COL6A3: variants seen among roughly 807,000 people sequenced by gnomAD.
COL6A3 encodes collagen type VI alpha 3 chain, also known as collagen alpha-3(VI) chain.
COL6A3 carries 137 observed loss-of-function variants against 274.1 expected under a neutral mutation model. The ratio of observed to expected loss-of-function variants is 0.50; its 90% CI spans 0.44 to 0.58. The LOEUF is 0.58. Among genes scored for constraint, COL6A3 ranks in the 20% least tolerant of loss-of-function variants. COL6A3 has a pLI of 0.00. For synonymous variants in COL6A3, 1,650 were observed against 1,650.6 expected (o/e 1.00, Z 0.01); for missense variants, 3,950 against 4,124.9 (o/e 0.96, Z 1.16).
chr2:237,374,913 C>T lies in COL6A3; in HGVS notation c.3178G>A (p.Val1060Met), dbSNP rs1277217858. The T allele has an allele frequency of 1.2e-6, 2 of 1,613,956 alleles. No homozygotes were observed. The highest frequency in any genetic ancestry group is 1.7e-6 in the Non-Finnish European group (2 of 1,180,012). ...GCCACGCGGACCCGGTCCTGGCCCA[C>T]ATCCAGGCTTTCCACCACTCTCTGG... Reference protein sequence around the residue: ...FVQRVVESLDVGQDRVRVAVV... With the variant: ...FVQRVVESLDMGQDRVRVAVV... The change falls in exon 8 of 44, where the codon GTG becomes ATG. Residue 1060 changes from valine (V) to methionine (M), a missense_variant. Val to Met is a conservative substitution (Grantham distance 21). Around this residue, in one of 5 missense-constraint regions of COL6A3, gnomAD observed 1,934 missense variants for 1,984.3 expected, o/e 0.97. Coordinates refer to ENST00000295550, the MANE Select transcript of COL6A3 (RefSeq NM_004369.4). The surrounding 1 kb of genome is among the most constrained non-coding windows in gnomAD (Gnocchi z 4.8).
At chr2:237,378,577 A>G in intron 6 of COL6A3, 59 bp downstream of exon 6, 1 of 1,611,392 alleles carries the variant, frequency 6.2e-7, no homozygotes, top group South Asian at 1.1e-5. Context: ...CTGGCAAACT[A>G]CCCTCCAGGG....
rs188002584 is a variant in COL6A3 at position 237,324,723 on chromosome 2, G to A, written c.*51C>T. On this transcript the variant is annotated 3_prime_UTR_variant, in exon 44 of 44. Transcript: ENST00000295550. ...GGAGCTTCTACAGAGACAAGTTGGCGATGGCTGACTCCTTCTTCTTCAAGA... is the reference window on the plus strand; with the variant it reads ...GGAGCTTCTACAGAGACAAGTTGGCAATGGCTGACTCCTTCTTCTTCAAGA... 2.8e-4 allele frequency: 436 copies of A among 1,584,358 alleles called. No homozygotes were observed. In the African/African-American group the frequency reaches 5.2e-3, roughly 19 times the overall value.
chr2:237,359,218 C>T lies in COL6A3; in HGVS notation c.6342G>A (p.Leu2114=), dbSNP rs886043269. ...GEVGEIGLDG[L]DGEDGDKGLP... ...TAAAATCACTTACATCTTCACCATCCAGACCATCCAGTCCAATTTCTCCTA... is the reference window on the plus strand; with the variant it reads ...TAAAATCACTTACATCTTCACCATCTAGACCATCCAGTCCAATTTCTCCTA... The change falls in exon 19 of 44, where the codon CTG becomes CTA. Residue 2114 remains leucine, a synonymous_variant. Coordinates refer to ENST00000295550, the MANE Select transcript of COL6A3 (RefSeq NM_004369.4). 8 of 1,614,110 alleles carry T rather than the reference C, an allele frequency of 5.0e-6. No homozygotes were observed. The Admixed American group carries it at 8.3e-5, about 17-fold the overall frequency.
intron 32 of COL6A3, 37 bp downstream of exon 32, chr2:237,346,466 C>A (rs754379137): frequency 1.3e-6 from 2 of 1,596,632 alleles, no homozygotes; most frequent in Non-Finnish European, 1.7e-6. Flanking sequence ...AAGCACCCAG[C>A]CCCAGGTGGC....
chr2:237,329,918 A>G (rs894474639), intron 42 of COL6A3: 2 of 152,220 alleles, frequency 1.3e-5, no homozygotes, highest in Non-Finnish European at 2.9e-5. Context: ...AGGGCTATAC[A>G]ATTGGCCCAG....
chr2:237,402,369 T>C (rs753141222), intron 1 of COL6A3, among the ~76,000 whole-genome samples: 7 of 152,156 alleles, frequency 4.6e-5, no homozygotes, highest in Non-Finnish European at 7.4e-5. Context: ...AGATAGTATG[T>C]TTTATGTTAT....
At chr2:237,325,862 A>AC in intron 42 of COL6A3, 138 bp from the exon 43 acceptor site, 1 of 672,430 alleles carries the variant, frequency 1.5e-6, no homozygotes, top group Non-Finnish European at 2.5e-6. Context: ...AACTCCCTTA[A>AC]CCTGCTCAAA....
chr2:237,380,210 G>T (rs187505475), intron 5 of COL6A3, among the ~76,000 whole-genome samples: 13 of 152,302 alleles, frequency 8.5e-5, no homozygotes, highest in Non-Finnish European at 1.6e-4. Flanking sequence ...CCTGCATCAG[G>T]CAATCCTCTA....
chr2:237,387,359 C>T (rs1383464214), intron 4 of COL6A3, among the ~76,000 whole-genome samples: 1 of 152,222 alleles, frequency 6.6e-6, no homozygotes, highest in African/African-American at 2.4e-5. Flanking sequence ...CTCAGCAACT[C>T]ATACTCTCGT....
chr2:237,389,576 A>C (rs1186699332), intron 3 of COL6A3, among the ~76,000 whole-genome samples: 2 of 152,198 alleles, frequency 1.3e-5, no homozygotes, highest in African/African-American at 4.8e-5. Flanking sequence ...AAGGATCCAA[A>C]GCTTGTCTCA....
rs900885344 is a variant in COL6A3, at chr2:237,348,683, G to T, written c.6880-20C>A. ...ATCTCCCTAAGAGTGGGAAAGAGAT[G>T]TGACTGTAGGTCGCCATGCCTGGCA... On this transcript the variant is annotated intron_variant, in intron 28 of 43. Coordinates refer to ENST00000295550, the MANE Select transcript of COL6A3 (RefSeq NM_004369.4). 8 of 1,613,388 alleles carry T rather than the reference G, an allele frequency of 5.0e-6. No homozygotes were observed. The highest frequency in any genetic ancestry group is 6.8e-6 in the Non-Finnish European group (8 of 1,179,562).
intron 7 of COL6A3, among the ~76,000 whole-genome samples, chr2:237,376,528 T>C (rs1419935174): frequency 1.3e-5 from 2 of 152,232 alleles, no homozygotes; most frequent in African/African-American, 2.4e-5. Context: ...TGTCTTACTA[T>C]GAAATAATCT....
intron 23 of COL6A3, among the ~76,000 whole-genome samples, chr2:237,356,297 A>G (rs1017227529): frequency 6.6e-6 from 1 of 152,120 alleles, no homozygotes; most frequent in East Asian, 1.9e-4. Context: ...CTTTTTCATT[A>G]TATAGCATTA....
chr2:237,380,052 C>T (rs1351309454), intron 5 of COL6A3, among the ~76,000 whole-genome samples: 1 of 152,196 alleles, frequency 6.6e-6, no homozygotes, highest in Admixed American at 6.5e-5. Flanking sequence ...ATTTAGACCT[C>T]ACAACTAATT....
chr2:237,336,657 G>A (rs1042819813), intron 39 of COL6A3, 125 bp from the exon 40 acceptor site: 42 of 897,274 alleles, frequency 4.7e-5, no homozygotes, highest in Non-Finnish European at 5.2e-6. Flanking sequence ...TATAGATTAT[G>A]TATAGCAGTG....
chr2:237,359,299 A>T (rs770803324), intron 18 of COL6A3, 49 bp from the exon 19 acceptor site: 2 of 1,614,130 alleles, frequency 1.2e-6, no homozygotes, highest in South Asian at 1.1e-5. Flanking sequence ...TATTCTGGCA[A>T]AGGAAGAAAT....
Position 237,414,125 on chromosome 2 carries a change from C to G in COL6A3, c.-203G>C, listed in dbSNP as rs1470384278. The G allele has an allele frequency of 1.3e-5, 2 of 152,214 alleles. No individual in the cohort carries two copies. The highest frequency in any genetic ancestry group is 2.9e-5 in the Non-Finnish European group (2 of 68,044). 9.4% of individuals were successfully genotyped at this position (152,214 alleles called of 1,614,324 possible). On this transcript the variant is annotated 5_prime_UTR_variant, in exon 1 of 44. Transcript: ENST00000295550. Reference sequence around the variant, plus strand: ...AAACTCTTGCAGTCCTTGCAGGAGGCTGGAGCCCAGGAGAACTGAACGGCC... The same window carrying G: ...AAACTCTTGCAGTCCTTGCAGGAGGGTGGAGCCCAGGAGAACTGAACGGCC...
chr2:237,379,310 T>C, intron 5 of COL6A3, 75 bp from the exon 6 acceptor site: 3 of 1,533,090 alleles, frequency 2.0e-6, no homozygotes, highest in Non-Finnish European at 1.8e-6. Context: ...CTACAACACG[T>C]GCACACATGC....
chr2:237,376,942 C>T lies in COL6A3; in HGVS notation c.2900G>A (p.Gly967Glu), dbSNP rs1215954663. The change falls in exon 7 of 44, where the codon GGG becomes GAG. Residue 967 changes from glycine to glutamate, a missense_variant. Physicochemically the swap from Gly to Glu is moderately conservative, Grantham distance 98 (BLOSUM62 -2). This residue lies in a region of COL6A3 where 1,934 missense variants were observed against 1,984.3 expected (regional missense o/e 0.97). Transcript: ENST00000295550. ...GGCTTGGAAGATGAAAGGCACAACCCCACTCTGCTTCAGGTTACTTGCTGG... is the reference window on the plus strand; with the variant it reads ...GGCTTGGAAGATGAAAGGCACAACCTCACTCTGCTTCAGGTTACTTGCTGG... ...DGPASNLKQS[G>E]VVPFIFQAKN... The T allele has an allele frequency of 1.2e-6, 2 of 1,614,168 alleles. No homozygotes were observed. The highest frequency in any genetic ancestry group is 1.7e-6 in the Non-Finnish European group (2 of 1,180,030).
Sources: allele counts gnomAD v4.1 joint callset (sites outside exome capture counted in the v4.1 genomes callset), GRCh38; gene constraint gnomAD v4.1.1; regional missense constraint gnomAD v4.1.1; non-coding constraint Gnocchi (gnomAD v3.1); transcripts MANE v1.5; gene names NCBI Gene and HGNC (gene_info 2026-07-23, HGNC 2026-07-21).